The following CEP152 variants were observed in gnomAD, a reference collection of about 807,000 sequenced individuals.
CEP152 encodes the protein centrosomal protein of 152 kDa.
CEP152 carries 132 observed loss-of-function variants against 188.9 expected under a neutral mutation model. The ratio of observed to expected loss-of-function variants is 0.70; its 90% CI spans 0.61 to 0.81. The LOEUF is 0.81. Ranked by LOEUF, CEP152 falls within the 30% of genes least tolerant of loss-of-function variation. The probability of loss-of-function intolerance (pLI) is 0.00; values close to 1 mark genes in which losing one functional copy is unlikely to be tolerated. For synonymous variants in CEP152, 649 were observed against 666.6 expected (o/e 0.97, Z 0.41); for missense variants, 1,914 against 1,969.8 (o/e 0.97, Z 0.54).
chr15:48,757,100 T>A (rs1239705324), intron 19 of CEP152, among the ~76,000 whole-genome samples: 3 of 152,172 alleles, frequency 2.0e-5, no homozygotes, highest in Non-Finnish European at 2.9e-5. Flanking sequence ...ATAATAGAAC[T>A]AGTGGATCAC....
chr15:48,803,602 A>G (rs1475987698), intron 2 of CEP152, among the ~76,000 whole-genome samples: 1 of 152,144 alleles, frequency 6.6e-6, no homozygotes, highest in Non-Finnish European at 1.5e-5. Context: ...TGCTAGAAAT[A>G]CTCATTCTTA....
intron 7 of CEP152, among the ~76,000 whole-genome samples, 181 bp downstream of exon 7, chr15:48,793,140 A>G (rs1007339719): frequency 6.6e-6 from 1 of 152,172 alleles, no homozygotes; most frequent in Non-Finnish European, 1.5e-5. Context: ...AGCGTGTTCC[A>G]AAGAGAAGTA....
At position 48,756,397 on chromosome 15, in the gene CEP152, C is replaced by T. The variant is rs771338828; in HGVS notation, c.2851G>A (p.Ala951Thr). Residue 951 changes from alanine (A) to threonine (T), a missense_variant, in exon 20 of 27, where the codon GCT becomes ACT. Transcript: ENST00000380950. ...KNEEVPVVIR[A>T]ELAKARSEWN... is the part of the protein sequence containing the mutation. Reference sequence around the variant, plus strand: ...TCACTCCGAGCCTTAGCTAACTCAGCCCTGATGACCACAGGGACTTCTTCG... The same window carrying T: ...TCACTCCGAGCCTTAGCTAACTCAGTCCTGATGACCACAGGGACTTCTTCG... 9.3e-6 allele frequency: 15 copies of T among 1,610,900 alleles called. No individual in the cohort carries two copies. The East Asian group carries it at 3.1e-4, about 34-fold the overall frequency.
Position 48,738,424 on chromosome 15 carries a change from C to A in CEP152, c.4958G>T (p.Ser1653Ile), listed in dbSNP as rs199863302. 3.2e-5 allele frequency: 52 copies of A among 1,614,208 alleles called. No individual in the cohort carries two copies. The highest frequency in any genetic ancestry group is 4.2e-5 in the Non-Finnish European group (50 of 1,180,024). The change falls in exon 27 of 27, where the codon AGT becomes ATT. Residue 1653 changes from serine to isoleucine, a missense_variant. Physicochemically the swap from Ser to Ile is moderately radical, Grantham distance 142. Coordinates refer to ENST00000380950, the MANE Select transcript of CEP152 (RefSeq NM_001194998.2). ...ACGAGATGGGTGTCCACAATTCACA[C>A]TGATCTTTCCTGGCTCCAAATACGT... ...ETTYLEPGKISVNCGHPSRHK... is the reference protein window; with the variant it reads ...ETTYLEPGKIIVNCGHPSRHK...
At chr15:48,791,720 T>C (rs1896997980) in intron 7 of CEP152, among the ~76,000 whole-genome samples, 1 of 152,010 alleles carries the variant, frequency 6.6e-6, no homozygotes, top group Non-Finnish European at 1.5e-5. Flanking sequence ...TTTCACTATA[T>C]TGGCCAGGCT....
At position 48,793,354 on chromosome 15, in the gene CEP152, G is replaced by A. The variant is rs376895274; in HGVS notation, c.799C>T (p.Arg267Ter). Reference sequence around the variant, plus strand: ...ATTACAAGCTGGTGATTCAGATATCGAATTTGACGTTCACTTTCATTTAAC... The same window carrying A: ...ATTACAAGCTGGTGATTCAGATATCAAATTTGACGTTCACTTTCATTTAAC... ...EKLNESERQIRYLNHQLVIIK... is the reference protein window; with the variant it reads ...EKLNESERQI The change falls in exon 7 of 27, where the codon CGA becomes TGA. Residue 267 changes from arginine to a stop codon, truncating the protein, a stop_gained. Coordinates refer to ENST00000380950, the MANE Select transcript of CEP152 (RefSeq NM_001194998.2). LOFTEE classifies it high-confidence loss of function. 3.4e-5 allele frequency: 55 copies of A among 1,613,824 alleles called. No individual in the cohort carries two copies. Among genetic ancestry groups the A allele is most frequent in the Admixed American group, 2.0e-4 (12 of 59,998 alleles).
rs34837739 is a variant in CEP152 at position 48,765,636 on chromosome 15, ATTTTTTTTTTTTTTTTTTTT to A, written c.2280+1404_2280+1423del. On this transcript the variant is annotated intron_variant, in intron 17 of 26. Coordinates refer to ENST00000380950, the MANE Select transcript of CEP152 (RefSeq NM_001194998.2). ...GAAAATTCCTCTTATGTTCTTGCCA[ATTTTTTTTTTTTTTTTTTTT>A]TTTTTTTTTTTTTGAGAGACGGAGT... 3.9e-3 allele frequency: 731 copies of A among 189,616 alleles called. 28 individuals carry two copies. The African/African-American group carries it at 0.042, about 11-fold the overall frequency. 11.7% of individuals were successfully genotyped at this position (189,616 alleles called of 1,614,324 possible).
At chr15:48,793,572 A>G (rs1897118072) in intron 6 of CEP152, 111 bp from the exon 7 acceptor site, 1 of 908,768 alleles carries the variant, frequency 1.1e-6, no homozygotes. Context: ...GCATCATGAA[A>G]TCAATTCAGT....
chr15:48,730,949 T>C (rs1248375099), intron 2 of CEP152, among the ~76,000 whole-genome samples: 1 of 152,198 alleles, frequency 6.6e-6, no homozygotes, highest in Non-Finnish European at 1.5e-5. Context: ...ATTTATAGCG[T>C]ATGTAAAGAA....
intron 17 of CEP152, 102 bp downstream of exon 17, chr15:48,766,958 C>A: frequency 2.1e-6 from 3 of 1,441,318 alleles, no homozygotes; most frequent in Non-Finnish European, 2.9e-6. Flanking sequence ...CATATGAATA[C>A]CTTCTCCATT....
intron 9 of CEP152, among the ~76,000 whole-genome samples, chr15:48,787,944 T>G (rs778911121): frequency 1.3e-5 from 2 of 152,238 alleles, no homozygotes; most frequent in African/African-American, 4.8e-5. Flanking sequence ...ATGCTCAAGA[T>G]GCAAATCTCA....
At chr15:48,784,519 T>C (rs1488842423) in intron 9 of CEP152, among the ~76,000 whole-genome samples, 1 of 152,242 alleles carries the variant, frequency 6.6e-6, no homozygotes, top group East Asian at 1.9e-4. Context: ...ATCATGCTAT[T>C]TGTATCCCAA....
At chr15:48,772,382 G>T in intron 13 of CEP152, 105 bp downstream of exon 13, 1 of 950,580 alleles carries the variant, frequency 1.1e-6, no homozygotes, top group Non-Finnish European at 1.6e-6. Flanking sequence ...CTGCCCTCCA[G>T]CCTGGAAGAC....
Position 48,738,483 on chromosome 15 carries a change from C to T in CEP152, c.4899G>A (p.Gln1633=), listed in dbSNP as rs754521431. Residue 1633 remains glutamine (Q), a synonymous_variant, in exon 27 of 27, where the codon CAG becomes CAA. Transcript: ENST00000380950. ...CTGACAGGTATGGAGTTTGATAACG[C>T]TGACATTTCATTGTTTGACAAATCA... is the stretch of plus-strand genomic sequence containing the variant. ...SNMICQTMKC[Q]RYQTPYLSEE... 2.5e-6 allele frequency: 4 copies of T among 1,614,200 alleles called. No individual in the cohort carries two copies. The East Asian group carries it at 8.9e-5, about 36-fold the overall frequency.
At position 48,752,341 on chromosome 15, in the gene CEP152, C is replaced by G. The variant is rs2306187; in HGVS notation, c.3466+8G>C. ...CTACAAAGACTGGTGGGAACAAAAT[C>G]CAATTACCAGCTTCTGCTTCTGTTG... On this transcript the variant is annotated splice_region_variant and intron_variant, in intron 21 of 26. Transcript: ENST00000380950. 0.16 allele frequency: 252,786 copies of G among 1,613,764 alleles called. 28,309 individuals are homozygous for G. The highest frequency in any genetic ancestry group is 0.52 in the African/African-American group (39,052 of 74,930).
chr15:48,769,163 A>T (rs977282444), intron 13 of CEP152, 82 bp from the exon 14 acceptor site: 2 of 1,173,558 alleles, frequency 1.7e-6, no homozygotes, highest in South Asian at 1.4e-5. Context: ...CTTTAAAAAA[A>T]TTGCAAACAG....
Position 48,756,081 on chromosome 15 carries a change from T to A in CEP152, c.3167A>T (p.Asp1056Val). The A allele has an allele frequency of 6.2e-7, 1 of 1,614,124 alleles. No individual in the cohort carries two copies. Among genetic ancestry groups the A allele is most frequent in the Non-Finnish European group, 8.5e-7 (1 of 1,179,990 alleles). Residue 1056 changes from aspartate (D) to valine (V), a missense_variant, in exon 20 of 27, where the codon GAT (aspartate) becomes GTT (valine). Physicochemically the swap from Asp to Val is radical, Grantham distance 152. Transcript: ENST00000380950. ...ILTVLGVLLSDTQKEHISDSE... is the reference protein window; with the variant it reads ...ILTVLGVLLSVTQKEHISDSE... ...ATCACTGATGTGCTCCTTTTGGGTA[T>A]CACTTAAAAGAACCCCAAGTACAGT... is the stretch of plus-strand genomic sequence containing the variant.
chr15:48,741,368 T>G, intron 26 of CEP152: 1 of 1,344,648 alleles, frequency 7.4e-7, no homozygotes. Flanking sequence ...AAATCTTTTC[T>G]ATCATTTCGA....
rs1894750444 is a variant in CEP152 at position 48,762,428 on chromosome 15, T to C, written c.2525A>G (p.Glu842Gly). Residue 842 changes from glutamate (E) to glycine (G), a missense_variant, in exon 18 of 27, where the codon GAA becomes GGA. Physicochemically the swap from Glu to Gly is moderately conservative, Grantham distance 98. Transcript: ENST00000380950. The stretch of plus-strand genomic sequence containing the variant: ...ATTTTCACAATGTTTGAGTTCCAAT[T>C]CAATTTCGAGTTTCTTCATAGCCCC... ...IKGAMKKLEI[E>G]LELKHCENIT... The C allele has an allele frequency of 1.2e-6, 2 of 1,614,012 alleles. No homozygotes were observed. Among genetic ancestry groups the C allele is most frequent in the African/African-American group, 2.7e-5 (2 of 74,948 alleles).
Sources: gnomAD v4.1 joint callset for allele counts (sites outside exome capture counted in the v4.1 genomes callset) on GRCh38, gnomAD v4.1.1 for gene constraint, MANE v1.5 for transcripts, NCBI Gene and HGNC (gene_info 2026-07-23, HGNC 2026-07-21) for gene names.